Variants in ARHGAP26 observed in about 807,000 individuals in gnomAD.
The protein encoded by ARHGAP26 is rho GTPase-activating protein 26.
A neutral mutation model predicts 104.8 loss-of-function variants in ARHGAP26; 38 were observed. The ratio of observed to expected loss-of-function variants is 0.36; its 90% CI spans 0.28 to 0.48. The LOEUF (loss-of-function observed/expected upper bound fraction) is 0.48. ARHGAP26 is among the 20% of genes least tolerant of loss of function. The probability of loss-of-function intolerance (pLI) is 0.99; values close to 1 mark genes in which losing one functional copy is unlikely to be tolerated. For synonymous variants in ARHGAP26, 341 were observed against 340.0 expected (o/e 1.00, Z -0.03); for missense variants, 704 against 947.9 (o/e 0.74, Z 3.38).
Position 143,065,148 on chromosome 5 carries a change from G to A in ARHGAP26, c.1538+7401G>A, listed in dbSNP as rs548026350. ...TTGGGAGTATTATAAAAGTGAGAGA[G>A]TATCAGCAAACATGAACATGACTCA... On this transcript the variant is annotated intron_variant, in intron 17 of 22. Transcript: ENST00000645722. Among the ~76,000 whole-genome samples, 12 of 152,276 alleles carry A rather than the reference G, an allele frequency of 7.9e-5. No homozygotes were observed. In the South Asian group the frequency reaches 2.1e-3, roughly 26 times the overall value.
At chr5:142,815,397 A>C (rs771105187) in intron 1 of ARHGAP26, among the ~76,000 whole-genome samples, 1 of 152,166 alleles carries the variant, frequency 6.6e-6, no homozygotes, top group Non-Finnish European at 1.5e-5. Context: ...ATGAGAACTC[A>C]CTTTAGTCTT....
intron 12 of ARHGAP26, among the ~76,000 whole-genome samples, chr5:143,023,725 G>T (rs1272510710): frequency 6.6e-6 from 1 of 152,188 alleles, no homozygotes; most frequent in Non-Finnish European, 1.5e-5. Context: ...GCATTAATGG[G>T]CACAGTGGCC....
At chr5:143,191,626 G>A (rs1233294506) in intron 20 of ARHGAP26, among the ~76,000 whole-genome samples, 1 of 152,184 alleles carries the variant, frequency 6.6e-6, no homozygotes, top group Non-Finnish European at 1.5e-5. Flanking sequence ...AAGAAAATAT[G>A]TATTAAAATT....
Position 142,968,106 on chromosome 5 carries a change from C to T in ARHGAP26, c.1107+35981C>T, listed in dbSNP as rs540002573. Among the ~76,000 whole-genome samples, 7 of 152,324 alleles carry T rather than the reference C, an allele frequency of 4.6e-5. 1 individual carries two copies. In the East Asian group the frequency reaches 9.6e-4, roughly 21 times the overall value. On this transcript the variant is annotated intron_variant, in intron 11 of 22. Transcript: ENST00000645722. ...TCCTCCTATTCCTCCACCACCATTACCACCACCATCATCATCCCTTTTATT... is the reference window on the plus strand; with the variant it reads ...TCCTCCTATTCCTCCACCACCATTATCACCACCATCATCATCCCTTTTATT...
rs567793240 is a variant in ARHGAP26 at position 142,986,026 on chromosome 5, A to G, written c.1108-28054A>G. 5.9e-5 allele frequency among the ~76,000 whole-genome samples: 9 copies of G among 152,310 alleles called. No individual in the cohort carries two copies. The South Asian group carries it at 1.9e-3, about 32-fold the overall frequency. ...TAATTCCTTTGGTATATACCCAGTA[A>G]TGGGATGGCTGGGTCAAATGGTATT... is the stretch of plus-strand genomic sequence containing the variant. On this transcript the variant is annotated intron_variant, in intron 11 of 22. Coordinates refer to ENST00000645722, the MANE Select transcript of ARHGAP26 (RefSeq NM_001135608.3).
chr5:142,963,571 A>G (rs1296458815), intron 11 of ARHGAP26, among the ~76,000 whole-genome samples: 1 of 152,154 alleles, frequency 6.6e-6, no homozygotes, highest in Non-Finnish European at 1.5e-5. Context: ...TAAACACCGT[A>G]CTTACAAAAC....
At chr5:143,098,651 A>C (rs1047093970) in intron 17 of ARHGAP26, among the ~76,000 whole-genome samples, 1 of 152,210 alleles carries the variant, frequency 6.6e-6, no homozygotes, top group Non-Finnish European at 1.5e-5. Context: ...AGAAAAAAAC[A>C]TGAAGATTGG....
intron 20 of ARHGAP26, chr5:143,170,088 C>T (rs1802557599): frequency 1.3e-5 from 2 of 152,176 alleles, no homozygotes; most frequent in Admixed American, 1.3e-4. Context: ...ATTATCAGTG[C>T]CCATTACAGG....
chr5:143,166,191 A>T, intron 20 of ARHGAP26: 2 of 917,130 alleles, frequency 2.2e-6, no homozygotes, highest in Non-Finnish European at 1.4e-6. Context: ...AACCCCATGT[A>T]CGTAGCTGGC....
At chr5:142,866,035 CTTTTTT>C (rs67054994) in intron 1 of ARHGAP26, among the ~76,000 whole-genome samples, 19 of 144,120 alleles carry the variant, frequency 1.3e-4, no homozygotes, top group Admixed American at 1.4e-4. Flanking sequence ...TTTCTTTTTT[CTTTTTT>C]TTTTTTTGGA....
chr5:143,046,826 G>T (rs1319763432), intron 14 of ARHGAP26, among the ~76,000 whole-genome samples: 1 of 152,152 alleles, frequency 6.6e-6, no homozygotes, highest in Non-Finnish European at 1.5e-5. Flanking sequence ...AGTGGTCATT[G>T]TGAAAATTTG....
chr5:143,146,147 G>A (rs1799130963), intron 19 of ARHGAP26, among the ~76,000 whole-genome samples: 1 of 152,090 alleles, frequency 6.6e-6, no homozygotes, highest in African/African-American at 2.4e-5. Context: ...TTTTAATATG[G>A]TATATCTGTA....
At chr5:142,998,717 C>A (rs1776773562) in intron 11 of ARHGAP26, among the ~76,000 whole-genome samples, 1 of 151,988 alleles carries the variant, frequency 6.6e-6, no homozygotes, top group African/African-American at 2.4e-5. Context: ...GAGCAAGACC[C>A]TGTTTCCCCA....
At chr5:142,912,299 GC>G (rs1761936523) in intron 9 of ARHGAP26, among the ~76,000 whole-genome samples, 1 of 152,182 alleles carries the variant, frequency 6.6e-6, no homozygotes, top group African/African-American at 2.4e-5. Context: ...AGTGAAAAAA[GC>G]CAGACAAAAA....
chr5:143,066,849 G>A (rs3822393), intron 17 of ARHGAP26, among the ~76,000 whole-genome samples: 1 of 152,052 alleles, frequency 6.6e-6, no homozygotes, highest in South Asian at 2.1e-4. Flanking sequence ...CAGCACAGGG[G>A]CAGCTGGGAG....
At chr5:143,010,281 C>T (rs893172428) in intron 11 of ARHGAP26, among the ~76,000 whole-genome samples, 3 of 152,184 alleles carry the variant, frequency 2.0e-5, no homozygotes, top group Admixed American at 2.0e-4. Flanking sequence ...CTTTTAGAGG[C>T]AAGATAGAAT....
At chr5:142,984,739 T>C (rs1774424352) in intron 11 of ARHGAP26, among the ~76,000 whole-genome samples, 1 of 152,184 alleles carries the variant, frequency 6.6e-6, no homozygotes, top group Non-Finnish European at 1.5e-5. Flanking sequence ...GTAGCCGTCA[T>C]ATTACTGCAA....
At chr5:143,106,998 CT>C (rs1794118485) in intron 17 of ARHGAP26, among the ~76,000 whole-genome samples, 2 of 152,206 alleles carry the variant, frequency 1.3e-5, no homozygotes, top group Admixed American at 1.3e-4. Flanking sequence ...TCATATACCT[CT>C]GTTTGATTTC....
In ARHGAP26 at chr5:143,118,845, C is replaced by A. The variant is rs951348812; in HGVS notation, c.1539-2143C>A. Among the ~76,000 whole-genome samples, 8 of 151,014 alleles carry A rather than the reference C, an allele frequency of 5.3e-5. 1 individual carries two copies. The East Asian group carries it at 1.6e-3, about 29-fold the overall frequency. ...AGGAGATACACCTAATGCTAAATGA[C>A]GAGTTAATGGGTGCAGCACACCAGC... is the stretch of plus-strand genomic sequence containing the variant. On this transcript the variant is annotated intron_variant, in intron 17 of 22. Transcript: ENST00000645722.
Sources: gnomAD v4.1 joint callset for allele counts (sites outside exome capture counted in the v4.1 genomes callset) on GRCh38, gnomAD v4.1.1 for gene constraint, MANE v1.5 for transcripts, NCBI Gene and HGNC (gene_info 2026-07-23, HGNC 2026-07-21) for gene names.